Variants in SLIT3 observed in about 807,000 individuals in gnomAD.
The protein encoded by SLIT3 is slit guidance ligand 3, also known as slit homolog 3 protein.
A neutral mutation model predicts 184.0 loss-of-function variants in SLIT3; 68 were observed. The ratio of observed to expected loss-of-function variants is 0.37; its 90% CI spans 0.30 to 0.45. SLIT3 has a LOEUF of 0.45. SLIT3 is among the 20% of genes least tolerant of loss of function. SLIT3 has a pLI of 1.00. For synonymous variants in SLIT3, 831 were observed against 828.6 expected (o/e 1.00, Z -0.05); for missense variants, 1,707 against 2,026.0 (o/e 0.84, Z 3.02).
chr5:168,968,054 T>G (rs757613931), intron 4 of SLIT3, among the ~76,000 whole-genome samples: 1 of 152,186 alleles, frequency 6.6e-6, no homozygotes, highest in Non-Finnish European at 1.5e-5. Flanking sequence ...AGAGTGGGTT[T>G]TTAAGATTCC....
intron 4 of SLIT3, among the ~76,000 whole-genome samples, chr5:169,090,130 A>AACG (rs1759514952): frequency 6.6e-6 from 1 of 152,180 alleles, no homozygotes. Flanking sequence ...GGATAAAGGG[A>AACG]ACGGGTGATG....
chr5:168,719,621 C>T (rs1192406738), intron 23 of SLIT3, among the ~76,000 whole-genome samples: 1 of 152,204 alleles, frequency 6.6e-6, no homozygotes, highest in Non-Finnish European at 1.5e-5. Context: ...TTTCCTTAAA[C>T]ATTTCCCCAC....
chr5:168,703,944 CAAAAAAAAAAAA>C (rs70976498), intron 26 of SLIT3, among the ~76,000 whole-genome samples: 1 of 46,822 alleles, frequency 2.1e-5, no homozygotes, highest in African/African-American at 8.5e-5. Context: ...ACTCTGTCTC[CAAAAAAAAAAAA>C]AAAAAAAAAA....
intron 4 of SLIT3, among the ~76,000 whole-genome samples, chr5:169,138,838 A>T (rs1761620952): frequency 2.0e-5 from 3 of 152,220 alleles, no homozygotes; most frequent in Admixed American, 2.0e-4. Context: ...TTCGCAATGA[A>T]AATGCCCTAA....
intron 14 of SLIT3, among the ~76,000 whole-genome samples, chr5:168,764,968 T>C (rs763740483): frequency 2.0e-5 from 3 of 152,182 alleles, no homozygotes; most frequent in Non-Finnish European, 4.4e-5. Context: ...ATGACTACCT[T>C]CTCTTGTTCT....
intron 4 of SLIT3, among the ~76,000 whole-genome samples, chr5:169,126,599 C>T (rs996537105): frequency 1.3e-5 from 2 of 152,226 alleles, no homozygotes; most frequent in South Asian, 2.1e-4. Flanking sequence ...CTGCCTCTCA[C>T]AAGCACTACA....
intron 4 of SLIT3, among the ~76,000 whole-genome samples, chr5:169,018,872 G>A (rs928263304): frequency 3.9e-5 from 6 of 152,126 alleles, no homozygotes; most frequent in African/African-American, 4.8e-5. Context: ...ACACGCTGAC[G>A]GCTGTCTGGG....
In SLIT3 at chr5:169,054,277, G is replaced by A. The variant is rs78449225; in HGVS notation, c.413+139202C>T. ...ATAGAAGCGGAGATTGGGATGATGC[G>A]GCCACAAACCAAAGAATACTGGGGG... is the stretch of plus-strand genomic sequence containing the variant. On this transcript the variant is annotated intron_variant, in intron 4 of 35. Coordinates refer to ENST00000519560, the MANE Select transcript of SLIT3 (RefSeq NM_003062.4). Among the ~76,000 whole-genome samples the A allele has an allele frequency of 5.7e-3, 858 of 150,516 alleles. 7 individuals are homozygous for A. The highest frequency in any genetic ancestry group is 0.017 in the Middle Eastern group (5 of 288).
chr5:169,225,551 CT>C (rs1387573066), intron 3 of SLIT3, among the ~76,000 whole-genome samples: 3 of 152,194 alleles, frequency 2.0e-5, no homozygotes, highest in Admixed American at 2.0e-4. Flanking sequence ...GCCTTATAGT[CT>C]AAGGAGAGAG....
chr5:168,733,196 A>G (rs1286590203), intron 20 of SLIT3, among the ~76,000 whole-genome samples: 4 of 152,166 alleles, frequency 2.6e-5, no homozygotes, highest in African/African-American at 7.2e-5. Flanking sequence ...AATGCTCACC[A>G]TCACTAATCA....
chr5:168,857,735 G>C (rs1258778850), intron 5 of SLIT3, among the ~76,000 whole-genome samples: 7 of 152,188 alleles, frequency 4.6e-5, no homozygotes, highest in African/African-American at 1.7e-4. Flanking sequence ...GTTAAGACGA[G>C]GACTCTCCAG....
Position 169,192,854 on chromosome 5 carries a change from C to T in SLIT3, c.413+625G>A, listed in dbSNP as rs138893786. Among the ~76,000 whole-genome samples the T allele has an allele frequency of 1.0e-3, 155 of 152,330 alleles. 1 individual carries two copies. Among genetic ancestry groups the T allele is most frequent in the Admixed American group, 8.2e-3 (125 of 15,306 alleles). The stretch of plus-strand genomic sequence containing the variant: ...GAATCACAGTCTCCACCCTCACCTG[C>T]AACTCCAGCTCCTGGGCTTCCAAAT... On this transcript the variant is annotated intron_variant, in intron 4 of 35. Coordinates refer to ENST00000519560, the MANE Select transcript of SLIT3 (RefSeq NM_003062.4).
At chr5:168,967,722 G>T (rs1479268981) in intron 4 of SLIT3, among the ~76,000 whole-genome samples, 1 of 151,914 alleles carries the variant, frequency 6.6e-6, no homozygotes, top group African/African-American at 2.4e-5. Flanking sequence ...TTACAGGCGT[G>T]AGCCACCGCG....
At chr5:169,089,683 C>T (rs561651608) in intron 4 of SLIT3, among the ~76,000 whole-genome samples, 126 of 152,330 alleles carry the variant, frequency 8.3e-4, no homozygotes, top group Middle Eastern at 3.4e-3. Context: ...AACTTCTCCT[C>T]CTCAGGGAGC....
intron 13 of SLIT3, 79 bp downstream of exon 13, chr5:168,774,156 A>G (rs1021432335): frequency 7.1e-7 from 1 of 1,398,654 alleles, no homozygotes; most frequent in African/African-American, 1.4e-5. Context: ...TGCTGCCCTC[A>G]TTTGGGTGTT....
At chr5:168,672,927 C>T (rs1198618725) in intron 33 of SLIT3, among the ~76,000 whole-genome samples, 1 of 152,214 alleles carries the variant, frequency 6.6e-6, no homozygotes, top group Non-Finnish European at 1.5e-5. Context: ...TCTCCTGCCT[C>T]CCCCTTCTCA....
intron 4 of SLIT3, among the ~76,000 whole-genome samples, chr5:169,186,407 T>G (rs561494701): frequency 5.7e-4 from 87 of 152,270 alleles, no homozygotes; most frequent in Admixed American, 1.0e-3. Flanking sequence ...ACTTCTATCC[T>G]CCAGAACTGT....
At chr5:168,891,704 G>A (rs1040743530) in intron 4 of SLIT3, among the ~76,000 whole-genome samples, 4 of 152,234 alleles carry the variant, frequency 2.6e-5, no homozygotes, top group African/African-American at 9.6e-5. Context: ...AAAAGGAAAA[G>A]AACCTGTTAG....
intron 27 of SLIT3, among the ~76,000 whole-genome samples, chr5:168,699,198 CAG>C (rs1762145444): frequency 6.6e-6 from 1 of 152,234 alleles, no homozygotes; most frequent in Admixed American, 6.5e-5. Context: ...TTTCAGGAGG[CAG>C]AGTTTGATGG....
Sources: gnomAD v4.1 joint callset for allele counts (sites outside exome capture counted in the v4.1 genomes callset) on GRCh38, gnomAD v4.1.1 for gene constraint, MANE v1.5 for transcripts, NCBI Gene and HGNC (gene_info 2026-07-23, HGNC 2026-07-21) for gene names.